The following ZNF292 variants were observed in gnomAD, a reference collection of about 807,000 sequenced individuals.
ZNF292 encodes the protein zinc finger protein 292, also known as 16 zinc-finger domain protein.
ZNF292 carries 26 observed loss-of-function variants against 217.9 expected under a neutral mutation model. That is an observed-to-expected ratio of 0.12 (90% CI 0.09 to 0.17). The LOEUF is 0.17. Ranked by LOEUF, ZNF292 falls within the 10% of genes least tolerant of loss-of-function variation. The pLI is 1.00. For synonymous variants in ZNF292, 1,257 were observed against 1,124.1 expected (o/e 1.12, Z -2.37); for missense variants, 2,904 against 3,175.2 (o/e 0.91, Z 2.05).
intron 1 of ZNF292, among the ~76,000 whole-genome samples, chr6:87,201,033 A>G (rs1245469718): frequency 6.6e-6 from 1 of 152,228 alleles, no homozygotes; most frequent in Non-Finnish European, 1.5e-5. Context: ...ATCACAAGTA[A>G]GAGATTCTCC....
At chr6:87,217,510 A>T (rs1480939676) in intron 3 of ZNF292, among the ~76,000 whole-genome samples, 1 of 149,020 alleles carries the variant, frequency 6.7e-6, no homozygotes, top group Admixed American at 6.6e-5. Context: ...AATTATTTTG[A>T]AACTTCCTAT....
At chr6:87,202,877 A>G (rs1772135344) in intron 1 of ZNF292, among the ~76,000 whole-genome samples, 1 of 151,844 alleles carries the variant, frequency 6.6e-6, no homozygotes, top group Admixed American at 6.6e-5. Flanking sequence ...TAATTGTTCT[A>G]TTTTATTATT....
chr6:87,261,195 A>G lies in ZNF292; in HGVS notation c.7566A>G (p.Ser2522=), dbSNP rs1377571767. The change falls in exon 8 of 8, where the codon TCA becomes TCG. Residue 2522 remains serine (S), a synonymous_variant. Transcript: ENST00000369577. ...NDFQEDNLCQ[S]ERQKASNLKR... ...TTCAGGAAGATAACCTCTGCCAGTC[A>G]GAAAGACAAAAAGCAAGTAATTTGA... 2 of 1,612,352 alleles carry G rather than the reference A, an allele frequency of 1.2e-6. No individual in the cohort carries two copies. The highest frequency in any genetic ancestry group is 1.7e-5 in the Admixed American group (1 of 59,630).
At chr6:87,214,679 T>G (rs1292799620) in intron 1 of ZNF292, among the ~76,000 whole-genome samples, 2 of 152,144 alleles carry the variant, frequency 1.3e-5, no homozygotes, top group Admixed American at 1.3e-4. Flanking sequence ...AATCAGTATT[T>G]GCCCTCACTT....
At chr6:87,252,564 T>C (rs1774975638) in intron 7 of ZNF292, among the ~76,000 whole-genome samples, 1 of 152,250 alleles carries the variant, frequency 6.6e-6, no homozygotes, top group Admixed American at 6.5e-5. Context: ...TCTGACATTA[T>C]TATATGTGCC....
rs760158274 is a variant in ZNF292 at position 87,257,364 on chromosome 6, T to G, written c.3735T>G (p.Asp1245Glu). ...CTGCCTTGCCAGCACAAATGGAAGA[T>G]CTAACCAAAACAGTTCTGCCTTTGA... Reference protein sequence around the residue: ...PSTALPAQMEDLTKTVLPLNI... With the variant: ...PSTALPAQMEELTKTVLPLNI... The change falls in exon 8 of 8, where the codon GAT (aspartate) becomes GAG (glutamate). Residue 1245 changes from aspartate to glutamate, a missense_variant. Coordinates refer to ENST00000369577, the MANE Select transcript of ZNF292 (RefSeq NM_015021.3). The G allele has an allele frequency of 6.8e-6, 11 of 1,613,726 alleles. No homozygotes were observed. The highest frequency in any genetic ancestry group is 1.6e-4 in the Middle Eastern group (1 of 6,062).
intron 5 of ZNF292, among the ~76,000 whole-genome samples, chr6:87,241,664 C>T (rs973488523): frequency 1.3e-5 from 2 of 152,318 alleles, no homozygotes; most frequent in South Asian, 4.1e-4. Context: ...AGGTGATCCA[C>T]CCACCTTGGC....
intron 1 of ZNF292, among the ~76,000 whole-genome samples, chr6:87,207,511 GAATGTGGAAA>G (rs2127794371): frequency 6.6e-6 from 1 of 152,196 alleles, no homozygotes; most frequent in African/African-American, 2.4e-5. Context: ...TTTATTCAAA[GAATGTGGAAA>G]AATGTGAAAA....
chr6:87,182,618 A>G (rs1346716869), intron 1 of ZNF292, among the ~76,000 whole-genome samples: 1 of 152,166 alleles, frequency 6.6e-6, no homozygotes, highest in Non-Finnish European at 1.5e-5. Context: ...TCATTTTCAT[A>G]TTTGGCTTTT....
At chr6:87,228,325 T>G (rs550113916) in intron 4 of ZNF292, among the ~76,000 whole-genome samples, 1 of 152,328 alleles carries the variant, frequency 6.6e-6, no homozygotes, top group African/African-American at 2.4e-5. Flanking sequence ...TTCTTGATAT[T>G]AATCCCTTAT....
intron 1 of ZNF292, among the ~76,000 whole-genome samples, chr6:87,208,603 T>C (rs1309327480): frequency 6.6e-6 from 1 of 152,180 alleles, no homozygotes; most frequent in African/African-American, 2.4e-5. Context: ...GTTGCTTTTT[T>C]TTTCCCCCTT....
chr6:87,237,897 A>C (rs1043459078), intron 5 of ZNF292, among the ~76,000 whole-genome samples: 3 of 152,190 alleles, frequency 2.0e-5, no homozygotes, highest in Non-Finnish European at 4.4e-5. Flanking sequence ...GGATTTTTAA[A>C]TCTTGTTCAT....
chr6:87,239,747 C>G (rs1437345634), intron 5 of ZNF292, among the ~76,000 whole-genome samples: 1 of 142,044 alleles, frequency 7.0e-6, no homozygotes, highest in Non-Finnish European at 1.5e-5. Context: ...TCCTCACATC[C>G]CAGATGGGGC....
At chr6:87,163,408 G>A (rs1438594219) in intron 1 of ZNF292, among the ~76,000 whole-genome samples, 4 of 151,624 alleles carry the variant, frequency 2.6e-5, no homozygotes, top group East Asian at 3.9e-4. Context: ...CCACGATGGC[G>A]CCACTGCACT....
chr6:87,185,591 C>T (rs1771622255), intron 1 of ZNF292, among the ~76,000 whole-genome samples: 1 of 152,098 alleles, frequency 6.6e-6, no homozygotes, highest in Admixed American at 6.6e-5. Context: ...TGATTCCTCC[C>T]ACCTCAGCTG....
intron 1 of ZNF292, among the ~76,000 whole-genome samples, chr6:87,200,023 T>C (rs151256618): frequency 1.2e-3 from 182 of 152,342 alleles, no homozygotes; most frequent in African/African-American, 4.3e-3. Context: ...AGATTGAGGC[T>C]CGTGCTATAA....
chr6:87,161,060 A>T (rs975153096), intron 1 of ZNF292, among the ~76,000 whole-genome samples: 1 of 152,170 alleles, frequency 6.6e-6, no homozygotes, highest in African/African-American at 2.4e-5. Flanking sequence ...GGTAAATGAT[A>T]TTCAACAATA....
chr6:87,233,404 T>G lies in ZNF292; in HGVS notation c.618T>G (p.Ser206Arg). The G allele has an allele frequency of 6.2e-7, 1 of 1,613,624 alleles. No individual in the cohort carries two copies. Among genetic ancestry groups the G allele is most frequent in the Non-Finnish European group, 8.5e-7 (1 of 1,179,698 alleles). ...IKHLIKTNQL[S>R]QATALAKLCS... ...ATCTAATCAAAACAAATCAGTTAAG[T>G]CAAGCAACTGCTCTAGCAAAGCTGT... The change falls in exon 5 of 8, where the codon AGT becomes AGG. Residue 206 changes from serine to arginine, a missense_variant. Ser to Arg is a moderately radical substitution (Grantham distance 110). Coordinates refer to ENST00000369577, the MANE Select transcript of ZNF292 (RefSeq NM_015021.3).
chr6:87,249,327 A>C (rs554442089), intron 7 of ZNF292: 82 of 415,786 alleles, frequency 2.0e-4, no homozygotes, highest in Non-Finnish European at 3.5e-4. Flanking sequence ...GGGTCTCACT[A>C]TATTGCCCAG....
Sources: gnomAD v4.1 joint callset for allele counts (sites outside exome capture counted in the v4.1 genomes callset) on GRCh38, gnomAD v4.1.1 for gene constraint, MANE v1.5 for transcripts, NCBI Gene and HGNC (gene_info 2026-07-23, HGNC 2026-07-21) for gene names.